Variants in PGLYRP4 observed in about 807,000 individuals in gnomAD.
PGLYRP4 encodes the protein peptidoglycan recognition protein 4.
In PGLYRP4, 39 loss-of-function variants were observed where a neutral mutation model predicts 41.2. The ratio of observed to expected loss-of-function variants is 0.95; its 90% CI spans 0.73 to 1.24. The LOEUF (loss-of-function observed/expected upper bound fraction) is 1.24, where lower values mean the gene tolerates loss of function less well. Among genes scored for constraint, PGLYRP4 ranks in the 50% most tolerant of loss-of-function variants. The probability of loss-of-function intolerance (pLI) is 0.00; values close to 1 mark genes in which losing one functional copy is unlikely to be tolerated. For synonymous variants in PGLYRP4, 202 were observed against 186.8 expected, an observed-to-expected ratio of 1.08 and a Z score of -0.66; for missense variants, 467 against 460.7, an observed-to-expected ratio of 1.01 and a Z score of -0.13.
rs60382683 is a variant in PGLYRP4, at chr1:153,339,567, C to G, written c.824+814G>C. Among the ~76,000 whole-genome samples the G allele has an allele frequency of 1.9e-3, 291 of 152,260 alleles. 4 individuals are homozygous for G. The highest frequency in any genetic ancestry group is 6.8e-3 in the African/African-American group (282 of 41,530). ...AGATTTAAAATTTAGTGTGAATTTTCCTGATGGGATGTTACATGGGGTCTA... is the reference window on the plus strand; with the variant it reads ...AGATTTAAAATTTAGTGTGAATTTTGCTGATGGGATGTTACATGGGGTCTA... On this transcript the variant is annotated intron_variant, in intron 7 of 8. Transcript: ENST00000359650.
intron 2 of PGLYRP4, 79 bp from the exon 3 acceptor site, chr1:153,346,270 G>A (rs1571143902): frequency 5.7e-6 from 6 of 1,046,846 alleles, no homozygotes; most frequent in Non-Finnish European, 3.0e-6. Context: ...AACAGAAACA[G>A]CCATCCCCTC....
chr1:153,348,103 G>GC, intron 1 of PGLYRP4, 125 bp from the exon 2 acceptor site: 1 of 616,232 alleles, frequency 1.6e-6, no homozygotes, highest in Admixed American at 2.9e-5. Flanking sequence ...GCCAGCACCT[G>GC]CTTCAGTCTT....
intron 8 of PGLYRP4, among the ~76,000 whole-genome samples, chr1:153,334,531 A>G (rs1660470459): frequency 6.7e-6 from 1 of 148,616 alleles, no homozygotes; most frequent in South Asian, 2.1e-4. Flanking sequence ...GAACTACAAA[A>G]CACTGATGAA....
At chr1:153,343,306 G>T in intron 4 of PGLYRP4, 98 bp from the exon 5 acceptor site, 1 of 776,420 alleles carries the variant, frequency 1.3e-6, no homozygotes. Flanking sequence ...AAGGACTGAA[G>T]CTATGTTCAC....
chr1:153,348,121 C>T (rs1483473464), intron 1 of PGLYRP4, 143 bp from the exon 2 acceptor site: 6 of 600,864 alleles, frequency 1.0e-5, no homozygotes, highest in East Asian at 2.8e-5. Flanking sequence ...CTTCTCAGGG[C>T]CCCCAGCATA....
intron 7 of PGLYRP4, among the ~76,000 whole-genome samples, chr1:153,338,634 ACTT>A (rs1366744448): frequency 1.3e-5 from 2 of 151,992 alleles, no homozygotes; most frequent in African/African-American, 2.4e-5. Flanking sequence ...ATCCCAATGA[ACTT>A]CTCTCAGCTC....
At chr1:153,335,202 A>G (rs551227481) in intron 8 of PGLYRP4, among the ~76,000 whole-genome samples, 1 of 152,304 alleles carries the variant, frequency 6.6e-6, no homozygotes, top group East Asian at 1.9e-4. Context: ...AATGGGACTT[A>G]ATTAAACTAA....
intron 7 of PGLYRP4, among the ~76,000 whole-genome samples, chr1:153,340,118 G>A (rs1660731676): frequency 6.6e-6 from 1 of 152,126 alleles, no homozygotes; most frequent in Non-Finnish European, 1.5e-5. Context: ...TGACTTTTTG[G>A]CAGAGTTGTA....
In PGLYRP4 at chr1:153,330,596, C is replaced by T. The variant is rs1171921970; in HGVS notation, c.*171G>A. On this transcript the variant is annotated 3_prime_UTR_variant, in exon 9 of 9. Transcript: ENST00000359650. ...AATGTCCAGCTATGAGGTTTGGAGG[C>T]CCTTGGAGGATGTTGGCAGGAGAGG... is the stretch of plus-strand genomic sequence containing the variant. 4 of 526,714 alleles carry T rather than the reference C, an allele frequency of 7.6e-6. No homozygotes were observed. Among genetic ancestry groups the T allele is most frequent in the African/African-American group, 1.9e-5 (1 of 53,252 alleles). 32.6% of individuals were successfully genotyped at this position (526,714 alleles called of 1,614,324 possible).
In PGLYRP4 at chr1:153,337,280, C is replaced by G. The variant is rs1440259941; in HGVS notation, c.844G>C (p.Gly282Arg). 1.2e-6 allele frequency: 2 copies of G among 1,608,554 alleles called. No homozygotes were observed. Among genetic ancestry groups the G allele is most frequent in the African/African-American group, 1.3e-5 (1 of 74,630 alleles). ...CAGCCCACCCCTTCATAAATGGCGC[C>G]ATCCTGGCCCACCAGGAAGCTAGAG... ...IGYNFLVGQD[G>R]AIYEGVGWNV... Residue 282 changes from glycine (G) to arginine (R), a missense_variant, in exon 8 of 9, where the codon GGC becomes CGC. Gly to Arg is a moderately radical substitution (Grantham distance 125). Transcript: ENST00000359650.
At chr1:153,336,923 C>T (rs193053377) in intron 8 of PGLYRP4, among the ~76,000 whole-genome samples, 1 of 152,244 alleles carries the variant, frequency 6.6e-6, no homozygotes, top group Non-Finnish European at 1.5e-5. Context: ...ATCTTTTCCC[C>T]TTACTTTGCA....
chr1:153,333,952 C>A (rs1660436654), intron 8 of PGLYRP4, among the ~76,000 whole-genome samples: 1 of 152,136 alleles, frequency 6.6e-6, no homozygotes, highest in South Asian at 2.1e-4. Context: ...CAATCAACAT[C>A]ATACTGAATG....
Position 153,342,439 on chromosome 1 carries a change from T to G in PGLYRP4, c.472+651A>C, listed in dbSNP as rs1051121162. The stretch of plus-strand genomic sequence containing the variant: ...CTGCACCTCTGCACAACAGGGGTCA[T>G]GAAATCTACCTGGACTCTCTCAAAA... On this transcript the variant is annotated intron_variant, in intron 5 of 8. Coordinates refer to ENST00000359650, the MANE Select transcript of PGLYRP4 (RefSeq NM_020393.4). Among the ~76,000 whole-genome samples, 3 of 152,284 alleles carry G rather than the reference T, an allele frequency of 2.0e-5. No individual in the cohort carries two copies. In the Middle Eastern group the frequency reaches 0.01, roughly 518 times the overall value.
Position 153,330,985 on chromosome 1 carries a change from G to A in PGLYRP4, c.944-40C>T, listed in dbSNP as rs745409632. 3.9e-5 allele frequency: 61 copies of A among 1,552,924 alleles called. No homozygotes were observed. The East Asian group carries it at 1.3e-3, about 33-fold the overall frequency. Reference sequence around the variant, plus strand: ...AGCCCATTGTCTACAGGATTACAGGGCACCCTGCAAAATAGAACATATCCC... The same window carrying A: ...AGCCCATTGTCTACAGGATTACAGGACACCCTGCAAAATAGAACATATCCC... On this transcript the variant is annotated intron_variant, in intron 8 of 8. Coordinates refer to ENST00000359650, the MANE Select transcript of PGLYRP4 (RefSeq NM_020393.4).
At chr1:153,331,071 G>T in intron 8 of PGLYRP4, 126 bp from the exon 9 acceptor site, 1 of 686,252 alleles carries the variant, frequency 1.5e-6, no homozygotes, top group South Asian at 3.4e-5. Context: ...CCTAGAGACA[G>T]GCAAAAAAAA....
rs146118434 is a variant in PGLYRP4, at chr1:153,330,916, C to T, written c.973G>A (p.Ala325Thr). The T allele has an allele frequency of 2.0e-3, 3,180 of 1,613,834 alleles. 9 individuals are homozygous for T. The highest frequency in any genetic ancestry group is 2.1e-3 in the Non-Finnish European group (2,480 of 1,179,810). Reference protein sequence around the residue: ...GIPPNAAALEAAQDLIQCAMV... With the variant: ...GIPPNAAALETAQDLIQCAMV... ...GCACACTGGATCAGGTCTTGGGCTG[C>T]CTCTAGTGCTGCAGCATTGGGTGGT... The change falls in exon 9 of 9, where the codon GCA becomes ACA. Residue 325 changes from alanine to threonine, a missense_variant. Coordinates refer to ENST00000359650, the MANE Select transcript of PGLYRP4 (RefSeq NM_020393.4).
chr1:153,332,336 A>G (rs1660374640), intron 8 of PGLYRP4, among the ~76,000 whole-genome samples: 1 of 152,198 alleles, frequency 6.6e-6, no homozygotes, highest in African/African-American at 2.4e-5. Context: ...TGGATTAAAA[A>G]CTGAAATTTA....
chr1:153,347,608 G>A lies in PGLYRP4; in HGVS notation c.49+276C>T, dbSNP rs1488326912. 3.3e-5 allele frequency among the ~76,000 whole-genome samples: 5 copies of A among 152,086 alleles called. No homozygotes were observed. In the South Asian group the frequency reaches 6.2e-4, roughly 19 times the overall value. On this transcript the variant is annotated intron_variant, in intron 2 of 8. Transcript: ENST00000359650. ...AGGATGGTCTCGATCTCTTAACCTC[G>A]TGATCTGCCCACCTAGGCCTCCCAA...
Position 153,347,989 on chromosome 1 carries a change from C to T in PGLYRP4, c.-46-11G>A, listed in dbSNP as rs1017168074. 21 of 1,392,078 alleles carry T rather than the reference C, an allele frequency of 1.5e-5. No individual in the cohort carries two copies. Among genetic ancestry groups the T allele is most frequent in the Middle Eastern group, 1.8e-4 (1 of 5,666 alleles). 86.2% of individuals were successfully genotyped at this position (1,392,078 alleles called of 1,614,324 possible). On this transcript the variant is annotated splice_polypyrimidine_tract_variant and intron_variant, in intron 1 of 8. Coordinates refer to ENST00000359650, the MANE Select transcript of PGLYRP4 (RefSeq NM_020393.4). ...AGTGTGGATGGCAGCCTGAGAGAGA[C>T]GCTGACAGTTGTTAACATGACCATT...
Sources: allele counts gnomAD v4.1 joint callset (sites outside exome capture counted in the v4.1 genomes callset), GRCh38; gene constraint gnomAD v4.1.1; transcripts MANE v1.5; gene names NCBI Gene and HGNC (gene_info 2026-07-23, HGNC 2026-07-21).